Variants in CCL28 observed in about 807,000 individuals in gnomAD.
CCL28 encodes C-C motif chemokine ligand 28, also known as C-C motif chemokine 28.
CCL28 carries 4 observed loss-of-function variants against 7.1 expected under a neutral mutation model. The ratio of observed to expected loss-of-function variants is 0.56; its 90% confidence interval spans 0.28 to 1.29. The LOEUF (loss-of-function observed/expected upper bound fraction) is 1.29, where lower values mean the gene tolerates loss of function less well. Ranked by LOEUF, CCL28 falls within the 50% of genes most tolerant of loss-of-function variation. The pLI is 0.11. For synonymous variants in CCL28, 55 were observed against 57.8 expected (o/e 0.95, Z 0.22); for missense variants, 151 against 163.4 (o/e 0.92, Z 0.41).
chr5:43,373,650 G>A (rs918456386), downstream of CCL28, among the ~76,000 whole-genome samples: 3 of 152,052 alleles, frequency 2.0e-5, no homozygotes, highest in Non-Finnish European at 4.4e-5. Flanking sequence ...GATTGGTCCA[G>A]GGTAACTCTC....
At chr5:43,408,244 G>A (rs1741381764) in intron 1 of CCL28, among the ~76,000 whole-genome samples, 1 of 152,176 alleles carries the variant, frequency 6.6e-6, no homozygotes, top group Admixed American at 6.5e-5. Context: ...CAACCCACAT[G>A]TCCATCAATG....
chr5:43,374,521 G>T (rs544541966), downstream of CCL28, among the ~76,000 whole-genome samples: 233 of 152,284 alleles, frequency 1.5e-3, no homozygotes, highest in African/African-American at 5.5e-3. Flanking sequence ...AGTGGCTCAC[G>T]CCTGTAATCC....
chr5:43,410,607 G>A (rs1418277455), intron 1 of CCL28, among the ~76,000 whole-genome samples: 1 of 152,184 alleles, frequency 6.6e-6, no homozygotes, highest in Non-Finnish European at 1.5e-5. Flanking sequence ...GGGTATGGCA[G>A]AGCCTTCCTC....
chr5:43,409,425 T>C (rs1045859796), intron 1 of CCL28, among the ~76,000 whole-genome samples: 5 of 151,628 alleles, frequency 3.3e-5, no homozygotes, highest in Admixed American at 6.6e-5. Context: ...ACAAACTCCA[T>C]CTCCAAAAAC....
downstream of CCL28, among the ~76,000 whole-genome samples, chr5:43,377,750 T>TTTTTTTTTTTTTTTTTTTTG (rs1561151422): frequency 7.9e-6 from 1 of 126,734 alleles, no homozygotes; most frequent in Non-Finnish European, 1.6e-5. Flanking sequence ...TTTTTTTTTT[T>TTTTTTTTTTTTTTTTTTTTG]GAGACGGAGT....
the CCL28 span, among the ~76,000 whole-genome samples, chr5:43,367,251 C>T: frequency 6.6e-6 from 1 of 152,172 alleles, no homozygotes; most frequent in African/African-American, 2.4e-5. Flanking sequence ...AGTTCTCTCT[C>T]ACTGGTATTC....
the CCL28 span, among the ~76,000 whole-genome samples, chr5:43,358,955 A>G: frequency 6.6e-6 from 1 of 152,184 alleles, no homozygotes; most frequent in Non-Finnish European, 1.5e-5. Flanking sequence ...TAACTATGAG[A>G]GGAATTTAGT....
chr5:43,365,463 G>C, the CCL28 span, among the ~76,000 whole-genome samples: 3 of 152,142 alleles, frequency 2.0e-5, no homozygotes, highest in Non-Finnish European at 4.4e-5. Context: ...TCATAATGTC[G>C]ATGGTCTTTA....
intron 2 of CCL28, among the ~76,000 whole-genome samples, chr5:43,387,214 A>G (rs1740376585): frequency 6.6e-6 from 1 of 152,146 alleles, no homozygotes; most frequent in Admixed American, 6.5e-5. Context: ...ATGACATTGG[A>G]GGTGTACAAG....
intron 1 of CCL28, among the ~76,000 whole-genome samples, chr5:43,401,265 G>A (rs550089480): frequency 6.6e-6 from 1 of 152,236 alleles, no homozygotes; most frequent in Non-Finnish European, 1.5e-5. Flanking sequence ...ATGATATATG[G>A]AACTGCTATT....
At chr5:43,386,589 T>G (rs1740344826) in intron 2 of CCL28, among the ~76,000 whole-genome samples, 1 of 152,204 alleles carries the variant, frequency 6.6e-6, no homozygotes, top group Non-Finnish European at 1.5e-5. Context: ...CCTTTAAACT[T>G]TATTTGATCT....
In CCL28 at chr5:43,380,915, T is replaced by G. The variant is rs111815578; in HGVS notation, c.*945A>C. Reference sequence around the variant, plus strand: ...TTGCAATATGTATGTCAACCTTGATTGATTACTGGAGTGAAAAAAAAACTA... The same window carrying G: ...TTGCAATATGTATGTCAACCTTGATGGATTACTGGAGTGAAAAAAAAACTA... On this transcript the variant is annotated 3_prime_UTR_variant, in exon 3 of 3. Coordinates refer to ENST00000361115, the MANE Select transcript of CCL28 (RefSeq NM_148672.3). 8.6e-4 allele frequency: 131 copies of G among 152,200 alleles called. No individual in the cohort carries two copies. The highest frequency in any genetic ancestry group is 3.0e-3 in the African/African-American group (123 of 41,550). The allele number at this position is 152,200 out of a possible 1,614,324, so 9.4% of individuals were successfully genotyped here.
intron 1 of CCL28, among the ~76,000 whole-genome samples, chr5:43,397,519 C>A (rs1740862954): frequency 1.3e-5 from 2 of 151,966 alleles, no homozygotes; most frequent in African/African-American, 4.8e-5. Context: ...GAGGCACGAG[C>A]CTCAGGTGCA....
chr5:43,388,616 G>A, intron 1 of CCL28, 140 bp from the exon 2 acceptor site: 1 of 744,890 alleles, frequency 1.3e-6, no homozygotes, highest in Middle Eastern at 4.0e-4. Flanking sequence ...ACAGACTTGG[G>A]GCAGGACATG....
chr5:43,363,506 A>G, the CCL28 span, among the ~76,000 whole-genome samples: 1 of 152,200 alleles, frequency 6.6e-6, no homozygotes, highest in African/African-American at 2.4e-5. Flanking sequence ...CCATACCCTG[A>G]GTGGTAAGGT....
At chr5:43,368,344 T>C in the CCL28 span, among the ~76,000 whole-genome samples, 1 of 152,194 alleles carries the variant, frequency 6.6e-6, no homozygotes, top group East Asian at 1.9e-4. Flanking sequence ...CCCATCTTTC[T>C]CTAATAATAA....
At chr5:43,366,571 A>G in the CCL28 span, among the ~76,000 whole-genome samples, 1 of 152,162 alleles carries the variant, frequency 6.6e-6, no homozygotes, top group Non-Finnish European at 1.5e-5. Context: ...TCCTGTATGA[A>G]GTGTCTGTCA....
At chr5:43,373,052 C>T (rs896571267), downstream of CCL28, among the ~76,000 whole-genome samples, 2 of 151,932 alleles carry the variant, frequency 1.3e-5, no homozygotes, top group Non-Finnish European at 2.9e-5. Context: ...CCACCCACCT[C>T]GGCCTCCCAA....
At chr5:43,404,519 GGAAA>G (rs1396101845) in intron 1 of CCL28, among the ~76,000 whole-genome samples, 1 of 152,056 alleles carries the variant, frequency 6.6e-6, no homozygotes, top group African/African-American at 2.4e-5. Context: ...CACTAAACAT[GGAAA>G]GAAAGAACCA....
Sources: allele counts gnomAD v4.1 joint callset (sites outside exome capture counted in the v4.1 genomes callset), GRCh38; gene constraint gnomAD v4.1.1; transcripts MANE v1.5; gene names NCBI Gene and HGNC (gene_info 2026-07-23, HGNC 2026-07-21).